The following SMAD3 variants were observed in gnomAD, a reference collection of about 807,000 sequenced individuals.
SMAD3 encodes the protein MAD homolog 3.
In SMAD3, 12 loss-of-function variants were observed where a neutral mutation model predicts 51.8. That is an observed-to-expected ratio of 0.23 (90% CI 0.15 to 0.38). SMAD3 has a LOEUF of 0.38. SMAD3 is among the 10% of genes least tolerant of loss of function. The pLI, the probability that SMAD3 is intolerant of heterozygous loss-of-function variation, is 1.00. For synonymous variants in SMAD3, 238 were observed against 227.7 expected, an observed-to-expected ratio of 1.05 and a Z score of -0.41; for missense variants, 294 against 565.6, an observed-to-expected ratio of 0.52 and a Z score of 4.87.
chr15:67,143,200 T>G (rs1351873823), intron 1 of SMAD3: 1 of 178,364 alleles, frequency 5.6e-6, no homozygotes, highest in African/African-American at 2.4e-5. Flanking sequence ...AAGAACTAAA[T>G]AGCTAAGATA....
chr15:67,168,202 G>A (rs1228425536), intron 4 of SMAD3, among the ~76,000 whole-genome samples: 7 of 152,198 alleles, frequency 4.6e-5, no homozygotes, highest in African/African-American at 1.2e-4. Flanking sequence ...TGATCTGCCC[G>A]CTTCGACCTC....
intron 1 of SMAD3, among the ~76,000 whole-genome samples, chr15:67,098,211 A>G (rs1209730215): frequency 6.6e-6 from 1 of 152,124 alleles, no homozygotes; most frequent in Non-Finnish European, 1.5e-5. Context: ...GACTCCAAGA[A>G]GCAGTTACTT....
chr15:67,190,701 C>G lies in SMAD3; in HGVS notation c.*165C>G, dbSNP rs111695641. ...GTTTTCTGAAACACACGAGCAAACC[C>G]AGAGGTGGATGTTATGAACAGCTGT... On this transcript the variant is annotated 3_prime_UTR_variant, in exon 9 of 9. Coordinates refer to ENST00000327367, the MANE Select transcript of SMAD3 (RefSeq NM_005902.4). 4.3e-6 allele frequency: 3 copies of G among 700,068 alleles called. No homozygotes were observed. The highest frequency in any genetic ancestry group is 7.4e-6 in the Non-Finnish European group (3 of 406,744). 43.4% of individuals were successfully genotyped at this position (700,068 alleles called of 1,614,324 possible).
At chr15:67,181,789 ATTTTT>A (rs10713173) in intron 6 of SMAD3, among the ~76,000 whole-genome samples, 1 of 137,824 alleles carries the variant, frequency 7.3e-6, no homozygotes. Flanking sequence ...TATGAAATCT[ATTTTT>A]TTTTTTTTTT....
At chr15:67,163,062 C>T (rs1420630010) in intron 1 of SMAD3, among the ~76,000 whole-genome samples, 1 of 152,062 alleles carries the variant, frequency 6.6e-6, no homozygotes, top group East Asian at 1.9e-4. Flanking sequence ...CAACCTCCCC[C>T]TCCCAGGTTC....
At chr15:67,113,094 ATT>A (rs1555408280) in intron 1 of SMAD3, among the ~76,000 whole-genome samples, 10,547 of 112,524 alleles carry the variant, frequency 0.094, 3,422 homozygotes, top group African/African-American at 0.36. Flanking sequence ...ATATATATAT[ATT>A]TTTTTGAGAC....
In SMAD3 at chr15:67,135,548, TG is replaced by T. The variant is rs1242431167; in HGVS notation, c.207-29346del. Among the ~76,000 whole-genome samples, 8 of 130,550 alleles carry T rather than the reference TG, an allele frequency of 6.1e-5. No homozygotes were observed. In the South Asian group the frequency reaches 1.1e-3, roughly 18 times the overall value. 85.6% of individuals were successfully genotyped at this position (130,550 alleles called of 152,430 possible). On this transcript the variant is annotated intron_variant, in intron 1 of 8. Coordinates refer to ENST00000327367, the MANE Select transcript of SMAD3 (RefSeq NM_005902.4). ...GTTTTCATTTTCCCTTCCACTTAAT[TG>T]TTTTTTTTTAAAAAAAACTTTTCTT...
At chr15:67,110,501 C>T (rs1382717693) in intron 1 of SMAD3, among the ~76,000 whole-genome samples, 1 of 152,188 alleles carries the variant, frequency 6.6e-6, no homozygotes, top group African/African-American at 2.4e-5. Flanking sequence ...GTCCCTCCCC[C>T]TACGTGACAG....
intron 1 of SMAD3, among the ~76,000 whole-genome samples, chr15:67,112,954 T>C (rs1961049978): frequency 7.7e-6 from 1 of 129,482 alleles, no homozygotes; most frequent in Non-Finnish European, 1.6e-5. Context: ...TGACTGTAAA[T>C]GTAAAGGTTT....
intron 1 of SMAD3, among the ~76,000 whole-genome samples, chr15:67,075,650 C>T (rs1013595213): frequency 6.6e-6 from 1 of 152,202 alleles, no homozygotes; most frequent in Non-Finnish European, 1.5e-5. Flanking sequence ...CACGGTGGCT[C>T]ATGCCTATAA....
At chr15:67,099,097 G>T (rs773280240) in intron 1 of SMAD3, 44 of 685,684 alleles carry the variant, frequency 6.4e-5, no homozygotes, top group Non-Finnish European at 1.2e-4. Flanking sequence ...TAGAGAAAGT[G>T]GCTGTGACTT....
chr15:67,081,942 A>C (rs1334159487), intron 1 of SMAD3, among the ~76,000 whole-genome samples: 1 of 152,058 alleles, frequency 6.6e-6, no homozygotes, highest in Non-Finnish European at 1.5e-5. Flanking sequence ...GGGTTAGTGC[A>C]AAAGTAATGG....
At chr15:67,159,196 G>A (rs1483468500) in intron 1 of SMAD3, among the ~76,000 whole-genome samples, 1 of 151,786 alleles carries the variant, frequency 6.6e-6, no homozygotes, top group Non-Finnish European at 1.5e-5. Context: ...TCAGCCTCCC[G>A]AGTTGCTGGG....
intron 5 of SMAD3, among the ~76,000 whole-genome samples, chr15:67,171,951 C>T (rs1387817424): frequency 1.3e-5 from 2 of 152,174 alleles, no homozygotes; most frequent in Non-Finnish European, 2.9e-5. Context: ...GATTTATTTT[C>T]TATGGCATTT....
intron 1 of SMAD3, among the ~76,000 whole-genome samples, chr15:67,086,173 TAG>T (rs1260244592): frequency 6.6e-6 from 1 of 152,150 alleles, no homozygotes; most frequent in Non-Finnish European, 1.5e-5. Flanking sequence ...GAAACTAAGT[TAG>T]AGGCCTTAGC....
In SMAD3 at chr15:67,108,295, T is replaced by C. The variant is rs113475686; in HGVS notation, c.206+41935T>C. Among the ~76,000 whole-genome samples, 1,127 of 152,114 alleles carry C rather than the reference T, an allele frequency of 7.4e-3. 16 individuals are homozygous for C. Among genetic ancestry groups the C allele is most frequent in the African/African-American group, 0.026 (1,082 of 41,462 alleles). Reference sequence around the variant, plus strand: ...CCACCATGGGAGAGGTCTGTGAAAATCACTGGAATTGAAAATGACCATGCT... The same window carrying C: ...CCACCATGGGAGAGGTCTGTGAAAACCACTGGAATTGAAAATGACCATGCT... On this transcript the variant is annotated intron_variant, in intron 1 of 8. Transcript: ENST00000327367.
rs150194706 is a variant in SMAD3 at position 67,120,811 on chromosome 15, G to T, written c.207-44084G>T. 1.7e-3 allele frequency among the ~76,000 whole-genome samples: 254 copies of T among 152,324 alleles called. 2 individuals are homozygous for T. Among genetic ancestry groups the T allele is most frequent in the African/African-American group, 5.9e-3 (247 of 41,560 alleles). On this transcript the variant is annotated intron_variant, in intron 1 of 8. Transcript: ENST00000327367. ...CATGTAGCCCAGGAGAGCTTTGAATGCAGCCCAACACAAATTCATAAACTT... is the reference window on the plus strand; with the variant it reads ...CATGTAGCCCAGGAGAGCTTTGAATTCAGCCCAACACAAATTCATAAACTT...
At chr15:67,103,775 A>G (rs1359173087) in intron 1 of SMAD3, among the ~76,000 whole-genome samples, 1 of 152,212 alleles carries the variant, frequency 6.6e-6, no homozygotes, top group African/African-American at 2.4e-5. Flanking sequence ...TCCAACTGTC[A>G]GTGCTTCTGG....
chr15:67,144,278 T>A (rs906566531), intron 1 of SMAD3, among the ~76,000 whole-genome samples: 1 of 152,212 alleles, frequency 6.6e-6, no homozygotes, highest in East Asian at 1.9e-4. Context: ...TGATTTTTTT[T>A]AATGCAGCAT....
Sources: gnomAD v4.1 joint callset for allele counts (sites outside exome capture counted in the v4.1 genomes callset) on GRCh38, gnomAD v4.1.1 for gene constraint, MANE v1.5 for transcripts, NCBI Gene and HGNC (gene_info 2026-07-23, HGNC 2026-07-21) for gene names.